ATP6V0A4: variants seen among roughly 807,000 people sequenced by gnomAD.
ATP6V0A4 encodes the protein V-type proton ATPase 116 kDa subunit a 4.
Under a neutral mutation model 107.3 loss-of-function variants are expected in ATP6V0A4, and 86 were observed. The observed-to-expected ratio is 0.80, with a 90% confidence interval of 0.67 to 0.96. The LOEUF (loss-of-function observed/expected upper bound fraction) is 0.96. Among genes scored for constraint, ATP6V0A4 ranks in the 40% least tolerant of loss-of-function variants. The pLI is 0.00. For synonymous variants in ATP6V0A4, 353 were observed against 381.4 expected, an observed-to-expected ratio of 0.93 and a Z score of 0.87; for missense variants, 908 against 1,045.6, an observed-to-expected ratio of 0.87 and a Z score of 1.81.
chr7:138,762,297 C>T lies in ATP6V0A4; in HGVS notation c.512+43G>A, dbSNP rs759957121. The T allele has an allele frequency of 2.1e-5, 33 of 1,603,128 alleles. No homozygotes were observed. The highest frequency in any genetic ancestry group is 3.3e-5 in the South Asian group (3 of 90,820). ...TTCATTCACTCACTCAGAAATCACT[C>T]GCCAGGACCAGGGACCCATCTACAC... On this transcript the variant is annotated intron_variant, in intron 7 of 21. Coordinates refer to ENST00000310018, the MANE Select transcript of ATP6V0A4 (RefSeq NM_020632.3).
Position 138,752,822 on chromosome 7 carries a change from C to T in ATP6V0A4, c.832G>A (p.Glu278Lys). 1 of 1,614,078 alleles carries T rather than the reference C, an allele frequency of 6.2e-7. No individual in the cohort carries two copies. Among genetic ancestry groups the T allele is most frequent in the Non-Finnish European group, 8.5e-7 (1 of 1,180,026 alleles). Residue 278 changes from glutamate to lysine, a missense_variant, in exon 11 of 22, where the codon GAG becomes AAG. Coordinates refer to ENST00000310018, the MANE Select transcript of ATP6V0A4 (RefSeq NM_020632.3). ...EDLITVITQT[E>K]SHRQRLLQEA... ...TGCAGCAGGCGCTGGCGGTGAGACT[C>T]TGTTTGTGTTATGACCTATACAAAA...
intron 2 of ATP6V0A4, among the ~76,000 whole-genome samples, chr7:138,777,631 A>AC (rs1274092641): frequency 0.015 from 1,793 of 119,486 alleles, 46 homozygotes; most frequent in African/African-American, 0.06. Context: ...AAAAAAAAAA[A>AC]ATACACACAC....
At chr7:138,716,273 T>A (rs1804026967) in intron 19 of ATP6V0A4, among the ~76,000 whole-genome samples, 1 of 152,070 alleles carries the variant, frequency 6.6e-6, no homozygotes, top group South Asian at 2.1e-4. Flanking sequence ...AAGAAAACAA[T>A]TTGGCTGGAA....
chr7:138,749,761 T>C (rs985072611), intron 11 of ATP6V0A4, among the ~76,000 whole-genome samples: 3 of 151,916 alleles, frequency 2.0e-5, no homozygotes, highest in Non-Finnish European at 4.4e-5. Context: ...ATTCATCAAC[T>C]CTCCACAAAG....
At chr7:138,795,687 C>G (rs181035621) in intron 1 of ATP6V0A4, among the ~76,000 whole-genome samples, 19 of 152,326 alleles carry the variant, frequency 1.2e-4, no homozygotes, top group African/African-American at 4.1e-4. Flanking sequence ...GTCACCCAGG[C>G]TGGAGTGCAG....
chr7:138,796,126 A>G (rs1475039790), intron 1 of ATP6V0A4, among the ~76,000 whole-genome samples: 1 of 152,108 alleles, frequency 6.6e-6, no homozygotes, highest in Non-Finnish European at 1.5e-5. Flanking sequence ...AACATCGAGG[A>G]CAGCATTTGT....
At chr7:138,780,918 AAAAAAAAAATT>A (rs1377398661) in intron 2 of ATP6V0A4, among the ~76,000 whole-genome samples, 1 of 150,674 alleles carries the variant, frequency 6.6e-6, no homozygotes, top group East Asian at 1.9e-4. Context: ...AAGAAAAAAT[AAAAAAAAAATT>A]AAAAAAAAGA....
At chr7:138,747,645 C>A (rs1314088680) in intron 12 of ATP6V0A4, 81 bp from the exon 13 acceptor site, 38 of 1,577,906 alleles carry the variant, frequency 2.4e-5, no homozygotes, top group South Asian at 1.8e-4. Flanking sequence ...CACAGCTCCA[C>A]GATTTGCATG....
intron 18 of ATP6V0A4, 30 bp from the exon 19 acceptor site, chr7:138,722,055 G>A (rs747740460): frequency 3.7e-6 from 6 of 1,613,556 alleles, no homozygotes; most frequent in Admixed American, 3.3e-5. Flanking sequence ...TGAGGAATGC[G>A]CTCAACTCAC....
chr7:138,773,033 CTT>C lies in ATP6V0A4; in HGVS notation c.-17-1771_-17-1770del. Among the ~76,000 whole-genome samples the C allele has an allele frequency of 6.6e-6, 1 of 152,278 alleles. No individual in the cohort carries two copies. The highest frequency in any genetic ancestry group is 2.4e-5 in the African/African-American group (1 of 41,558). On this transcript the variant is annotated intron_variant, in intron 2 of 21. Coordinates refer to ENST00000310018, the MANE Select transcript of ATP6V0A4 (RefSeq NM_020632.3). The surrounding 1 kb of genome is among the most constrained non-coding windows in gnomAD (Gnocchi z 5.4). ...ACGGCCCTACTGCTGCCAAATCACA[CTT>C]TTTCCCCCCAGGTCAACCTTCTGGA...
intron 11 of ATP6V0A4, among the ~76,000 whole-genome samples, chr7:138,750,470 T>C (rs910685967): frequency 5.3e-5 from 8 of 152,076 alleles, no homozygotes; most frequent in Admixed American, 4.6e-4. Context: ...CCTCCCAAAG[T>C]GCTGGTATTA....
intron 20 of ATP6V0A4, 22 bp from the exon 21 acceptor site, chr7:138,709,817 T>G: frequency 6.2e-7 from 1 of 1,612,438 alleles, no homozygotes; most frequent in Non-Finnish European, 8.5e-7. Flanking sequence ...GAGAAACCAC[T>G]GGGATTATCT....
intron 3 of ATP6V0A4, among the ~76,000 whole-genome samples, chr7:138,770,636 TG>T (rs1807334214): frequency 6.6e-6 from 1 of 152,170 alleles, no homozygotes; most frequent in African/African-American, 2.4e-5. Context: ...AAACTGCCCC[TG>T]GGAAATGATA....
chr7:138,733,045 C>T lies in ATP6V0A4; in HGVS notation c.1740G>A (p.Met580Ile), dbSNP rs150912912. 1.8e-4 allele frequency: 297 copies of T among 1,613,944 alleles called. 2 individuals carry two copies. The highest frequency in any genetic ancestry group is 1.6e-4 in the Middle Eastern group (1 of 6,084). ...ATCCAAACAGACACAGGATAAAAATCATCTCAGGGATAAATTGCAGAATGA... is the reference window on the plus strand; with the variant it reads ...ATCCAAACAGACACAGGATAAAAATTATCTCAGGGATAAATTGCAGAATGA... The part of the protein sequence containing the change: ...LNIILQFIPE[M>I]IFILCLFGYL... Residue 580 changes from methionine to isoleucine, a missense_variant, in exon 17 of 22, where the codon ATG becomes ATA. Met to Ile is a conservative substitution (Grantham distance 10). Transcript: ENST00000310018.
At chr7:138,754,034 T>C (rs2117294560) in intron 10 of ATP6V0A4, among the ~76,000 whole-genome samples, 1 of 152,290 alleles carries the variant, frequency 6.6e-6, no homozygotes, top group South Asian at 2.1e-4. Flanking sequence ...GAATTTATTT[T>C]CCATTCTCCT....
At position 138,789,216 on chromosome 7, in the gene ATP6V0A4, TG is replaced by T. The variant is rs67380274; in HGVS notation, c.-120-2957del. Among the ~76,000 whole-genome samples the T allele has an allele frequency of 2.5e-3, 363 of 145,720 alleles. 1 individual carries two copies. Among genetic ancestry groups the T allele is most frequent in the African/African-American group, 8.8e-3 (342 of 38,728 alleles). The stretch of plus-strand genomic sequence containing the variant: ...GTGAAACTTAAAGGTTAAGGTTTTT[TG>T]GGGGGTTTTTTTTTGTTGTTGTTGT... On this transcript the variant is annotated intron_variant, in intron 1 of 21. Coordinates refer to ENST00000310018, the MANE Select transcript of ATP6V0A4 (RefSeq NM_020632.3).
chr7:138,713,114 C>A (rs1278680430), intron 20 of ATP6V0A4, among the ~76,000 whole-genome samples: 2 of 151,006 alleles, frequency 1.3e-5, no homozygotes, highest in Non-Finnish European at 2.9e-5. Flanking sequence ...CATGGTGAAA[C>A]CCCGTCTCTA....
intron 18 of ATP6V0A4, among the ~76,000 whole-genome samples, chr7:138,724,172 C>T (rs578254333): frequency 7.9e-5 from 10 of 126,126 alleles, no homozygotes; most frequent in South Asian, 2.5e-4. Flanking sequence ...CCTGGGTGAC[C>T]AAGCAAGACT....
chr7:138,747,631 C>T, intron 12 of ATP6V0A4, 67 bp from the exon 13 acceptor site: 1 of 1,593,900 alleles, frequency 6.3e-7, no homozygotes, highest in South Asian at 1.1e-5. Context: ...CTCAGATTCC[C>T]TGCCACAGCT....
Sources: gnomAD v4.1 joint callset for allele counts (sites outside exome capture counted in the v4.1 genomes callset) on GRCh38, gnomAD v4.1.1 for gene constraint, Gnocchi (gnomAD v3.1) non-coding constraint, MANE v1.5 for transcripts, NCBI Gene and HGNC (gene_info 2026-07-23, HGNC 2026-07-21) for gene names.